Variants in ARVCF observed in about 807,000 individuals in gnomAD.
ARVCF encodes the protein splicing regulator ARVCF.
In ARVCF, 66 loss-of-function variants were observed where a neutral mutation model predicts 90.9. The ratio of observed to expected loss-of-function variants is 0.73; its 90% CI spans 0.60 to 0.89. The LOEUF (loss-of-function observed/expected upper bound fraction) is 0.89. Ranked by LOEUF, ARVCF falls within the 40% of genes least tolerant of loss-of-function variation. The pLI is 0.00. For synonymous variants in ARVCF, 653 were observed against 603.4 expected, an observed-to-expected ratio of 1.08 and a Z score of -1.21; for missense variants, 1,469 against 1,382.3, an observed-to-expected ratio of 1.06 and a Z score of -1.00.
chr22:20,002,264 G>T (rs1433803153), intron 2 of ARVCF, among the ~76,000 whole-genome samples: 1 of 152,186 alleles, frequency 6.6e-6, no homozygotes, highest in Non-Finnish European at 1.5e-5. Flanking sequence ...CCACTTCGAG[G>T]TGTAGGGAGG....
chr22:20,012,085 C>CCA (rs1555954529), intron 1 of ARVCF, among the ~76,000 whole-genome samples: 1 of 140,532 alleles, frequency 7.1e-6, no homozygotes, highest in Non-Finnish European at 1.6e-5. Flanking sequence ...AAAGTCCCCC[C>CCA]CCCCCACCCA....
Position 19,973,891 on chromosome 22 carries a change from G to A in ARVCF, c.2089-98C>T, listed in dbSNP as rs149781571. 1,189 of 1,515,800 alleles carry A rather than the reference G, an allele frequency of 7.8e-4. 9 individuals carry two copies. In the African/African-American group the frequency reaches 0.015, roughly 19 times the overall value. 93.9% of individuals were successfully genotyped at this position (1,515,800 alleles called of 1,614,324 possible). A position where few individuals can be genotyped will look rare whatever the true frequency, so the allele number is the denominator to read the frequency against. ...TCTCCAGCTGGACCTTCCTGCTCCC[G>A]TGCCCGACAAAGCCCTACCCCAAAA... On this transcript the variant is annotated intron_variant, in intron 12 of 19. Transcript: ENST00000263207.
At position 19,979,080 on chromosome 22, in the gene ARVCF, C is replaced by A. The variant is rs1206337704; in HGVS notation, c.1397G>T (p.Gly466Val). ...RDNEVRELVT[G>V]TLWNLSSYEP... The stretch of plus-strand genomic sequence containing the variant: ...ATAGGATGACAGGTTCCACAGGGTG[C>A]CTGTGGGGTGCGATTGGCCAATCTG... The change falls in exon 7 of 20, where the codon GGC becomes GTC. Residue 466 changes from glycine (G) to valine (V), a missense_variant and splice_region_variant. Transcript: ENST00000263207. 3 of 1,610,874 alleles carry A rather than the reference C, an allele frequency of 1.9e-6. No homozygotes were observed. The highest frequency in any genetic ancestry group is 2.5e-6 in the Non-Finnish European group (3 of 1,178,142).
chr22:19,987,378 C>T (rs951386283), intron 3 of ARVCF, among the ~76,000 whole-genome samples: 2 of 142,952 alleles, frequency 1.4e-5, no homozygotes, highest in African/African-American at 5.2e-5. Context: ...CCCTGTCCCC[C>T]CACTTCCCAC....
Position 19,973,055 on chromosome 22 carries a change from G to A in ARVCF, c.2439-19C>T, listed in dbSNP as rs13058011. On this transcript the variant is annotated intron_variant, in intron 14 of 19. Coordinates refer to ENST00000263207, the MANE Select transcript of ARVCF (RefSeq NM_001670.3). ...CGATTGGCTGTGGGGCCGGGGGCGG[G>A]GTCAGTGGTGGCCCCTCCCCCACCT... The A allele has an allele frequency of 1.2e-6, 2 of 1,611,230 alleles. No individual in the cohort carries two copies. The highest frequency in any genetic ancestry group is 1.7e-6 in the Non-Finnish European group (2 of 1,179,502).
chr22:20,000,878 C>T (rs570970335), intron 2 of ARVCF, among the ~76,000 whole-genome samples: 46 of 152,308 alleles, frequency 3.0e-4, no homozygotes, highest in Admixed American at 3.0e-3. Flanking sequence ...GACTTCCCAG[C>T]CTCCAGCACT....
intron 2 of ARVCF, among the ~76,000 whole-genome samples, 199 bp from the exon 3 acceptor site, chr22:19,991,011 C>T (rs537314516): frequency 5.9e-5 from 9 of 152,396 alleles, no homozygotes; most frequent in Non-Finnish European, 1.2e-4. Flanking sequence ...CGGCTCACTC[C>T]CCATGGGTTT....
intron 3 of ARVCF, among the ~76,000 whole-genome samples, chr22:19,985,985 C>CA (rs1943745705): frequency 6.6e-6 from 1 of 152,268 alleles, no homozygotes; most frequent in African/African-American, 2.4e-5. Context: ...TTGGCCACCA[C>CA]AAAATGCCCT....
chr22:20,001,565 A>C (rs1944446738), intron 2 of ARVCF, among the ~76,000 whole-genome samples: 1 of 152,200 alleles, frequency 6.6e-6, no homozygotes, highest in Admixed American at 6.5e-5. Flanking sequence ...GCACTTTGGA[A>C]GGCCAAGGTG....
At position 19,973,777 on chromosome 22, in the gene ARVCF, C is replaced by T. The variant is rs752216008; in HGVS notation, c.2105G>A (p.Arg702His). 1.9e-6 allele frequency: 3 copies of T among 1,606,336 alleles called. No individual in the cohort carries two copies. The highest frequency in any genetic ancestry group is 3.3e-5 in the Admixed American group (2 of 59,998). Residue 702 changes from arginine (R) to histidine (H), a missense_variant, in exon 13 of 20, where the codon CGC becomes CAC. Arg to His is a conservative substitution (Grantham distance 29). Coordinates refer to ENST00000263207, the MANE Select transcript of ARVCF (RefSeq NM_001670.3). ...CCCGCGCTCTTTGCGCACTGTGGCG[C>T]GGATGTACGTGGCCCACTGCGGAGG... ...AGNWMWATYI[R>H]ATVRKERGLP...
rs1197695679 is a variant in ARVCF at position 20,007,088 on chromosome 22, T to C, written c.-19+3367A>G. On this transcript the variant is annotated intron_variant, in intron 2 of 19. Transcript: ENST00000263207. ...GGGCAACATGGCACAACCCTGTCTG[T>C]ACAAAAAATACAAAAATTAGCCAGG... Among the ~76,000 whole-genome samples the C allele has an allele frequency of 6.6e-5, 10 of 151,814 alleles. No individual in the cohort carries two copies. The Middle Eastern group carries it at 0.01, about 155-fold the overall frequency.
chr22:19,978,809 A>G, intron 7 of ARVCF, 88 bp downstream of exon 7: 1 of 1,468,048 alleles, frequency 6.8e-7, no homozygotes. Flanking sequence ...TGGCGCTCCT[A>G]AGCTCGCCGC....
At position 19,980,137 on chromosome 22, in the gene ARVCF, G is replaced by C; in HGVS notation, c.1002C>G (p.Gly334=). ...AGCGCCGCACCAGCCGGTCCAGGCT[G>C]CCCATGCTGCCCCGTTCAGGCTGGG... is the stretch of plus-strand genomic sequence containing the variant. ...PLAQPERGSM[G]SLDRLVRRSP... Residue 334 remains glycine, a synonymous_variant, in exon 6 of 20, where the codon GGC becomes GGG. Coordinates refer to ENST00000263207, the MANE Select transcript of ARVCF (RefSeq NM_001670.3). 6.3e-7 allele frequency: 1 copy of C among 1,592,030 alleles called. No homozygotes were observed. The highest frequency in any genetic ancestry group is 8.5e-7 in the Non-Finnish European group (1 of 1,171,986).
intron 2 of ARVCF, among the ~76,000 whole-genome samples, chr22:19,999,185 C>T (rs767370501): frequency 3.3e-5 from 5 of 152,206 alleles, no homozygotes; most frequent in Non-Finnish European, 5.9e-5. Flanking sequence ...TCCCTGCCCC[C>T]ACCCACTGAC....
At chr22:19,984,298 C>A (rs1440419637) in intron 3 of ARVCF, among the ~76,000 whole-genome samples, 1 of 152,140 alleles carries the variant, frequency 6.6e-6, no homozygotes, top group Non-Finnish European at 1.5e-5. Context: ...CCCAGCTTAT[C>A]CCTCCCACCA....
Position 20,008,703 on chromosome 22 carries a change from C to T in ARVCF, c.-19+1752G>A, listed in dbSNP as rs187305223. Among the ~76,000 whole-genome samples the T allele has an allele frequency of 2.0e-5, 3 of 152,334 alleles. No homozygotes were observed. In the East Asian group the frequency reaches 5.8e-4, roughly 29 times the overall value. ...ACACCCCAGGGCCCAGCAGAGCAGG[C>T]AGCCGCAAGCCAGAGCCCAGGTTGC... On this transcript the variant is annotated intron_variant, in intron 2 of 19. Coordinates refer to ENST00000263207, the MANE Select transcript of ARVCF (RefSeq NM_001670.3).
At chr22:20,005,677 G>A (rs925312077) in intron 2 of ARVCF, among the ~76,000 whole-genome samples, 10 of 152,086 alleles carry the variant, frequency 6.6e-5, no homozygotes, top group South Asian at 2.1e-4. Context: ...AAAATTAGCC[G>A]GGCGTGGTGA....
In ARVCF at chr22:20,013,852, T is replaced by C. The variant is rs556135467; in HGVS notation, c.-73+2737A>G. Among the ~76,000 whole-genome samples, 7 of 152,270 alleles carry C rather than the reference T, an allele frequency of 4.6e-5. No individual in the cohort carries two copies. In the South Asian group the frequency reaches 1.5e-3, roughly 32 times the overall value. On this transcript the variant is annotated intron_variant, in intron 1 of 19. Coordinates refer to ENST00000263207, the MANE Select transcript of ARVCF (RefSeq NM_001670.3). ...GACCCAAGACTTCATCTTGGGTTTT[T>C]CTGTTTGTTTTTTTGTGGGTATTTT...
intron 10 of ARVCF, among the ~76,000 whole-genome samples, chr22:19,976,184 C>T (rs1943143475): frequency 6.6e-6 from 1 of 152,168 alleles, no homozygotes. Context: ...GAAACTCCCC[C>T]AGCTGGGGTC....
Sources: gnomAD v4.1 joint callset for allele counts (sites outside exome capture counted in the v4.1 genomes callset) on GRCh38, gnomAD v4.1.1 for gene constraint, MANE v1.5 for transcripts, NCBI Gene and HGNC (gene_info 2026-07-23, HGNC 2026-07-21) for gene names.